Variants in ADAM20 observed in about 807,000 individuals in gnomAD.
ADAM20 encodes disintegrin and metalloproteinase domain-containing protein 20.
For missense variants in ADAM20, 871 were observed against 883.2 expected, an observed-to-expected ratio of 0.99 and a Z score of 0.18; for synonymous variants, 305 against 310.2, an observed-to-expected ratio of 0.98 and a Z score of 0.18.
chr14:70,577,067 A>G, the ADAM20 span, among the ~76,000 whole-genome samples: 3 of 152,216 alleles, frequency 2.0e-5, no homozygotes, highest in Non-Finnish European at 4.4e-5. Context: ...AAGCCCTTCC[A>G]GGAACCGCAC....
chr14:70,578,240 G>T, the ADAM20 span, among the ~76,000 whole-genome samples: 1 of 151,928 alleles, frequency 6.6e-6, no homozygotes, highest in Non-Finnish European at 1.5e-5. Flanking sequence ...TAAATGCTGG[G>T]GAAAGGATAC....
chr14:70,557,474 C>T, the ADAM20 span: 2 of 152,238 alleles, frequency 1.3e-5, no homozygotes, highest in African/African-American at 4.8e-5. Flanking sequence ...TCTACTCACA[C>T]TCTTTTGCCT....
At chr14:70,566,447 G>C in the ADAM20 span, among the ~76,000 whole-genome samples, 2 of 150,908 alleles carry the variant, frequency 1.3e-5, no homozygotes, top group Non-Finnish European at 3.0e-5. Context: ...AAGAGAAAGA[G>C]AAAAAAATCA....
chr14:70,546,254 T>C, the ADAM20 span, among the ~76,000 whole-genome samples: 1 of 152,154 alleles, frequency 6.6e-6, no homozygotes, highest in South Asian at 2.1e-4. Flanking sequence ...CCCCCAAAAT[T>C]TGAGACAGGT....
the ADAM20 span, among the ~76,000 whole-genome samples, chr14:70,564,986 T>C: frequency 6.6e-6 from 1 of 151,072 alleles, no homozygotes; most frequent in African/African-American, 2.4e-5. Flanking sequence ...AGTTTGAATC[T>C]GCAGTGAGCT....
In ADAM20 at chr14:70,524,908, C is replaced by G; in HGVS notation, c.-151G>C. 6.3e-6 allele frequency: 10 copies of G among 1,593,100 alleles called. No homozygotes were observed. Among genetic ancestry groups the G allele is most frequent in the Non-Finnish European group, 8.6e-6 (10 of 1,169,370 alleles). ...CTGTGTCCTGGTGGAGCTGGACCAT[C>G]AGAGCTGCAGTGCTGAAAATAAAAA... On this transcript the variant is annotated 5_prime_UTR_variant, in exon 2 of 2. Coordinates refer to ENST00000256389, the MANE Select transcript of ADAM20 (RefSeq NM_003814.5).
At position 70,523,869 on chromosome 14, in the gene ADAM20, G is replaced by A. The variant is rs141928461; in HGVS notation, c.889C>T (p.His297Tyr). The change falls in exon 2 of 2, where the codon CAT becomes TAT. Residue 297 changes from histidine (H) to tyrosine (Y), a missense_variant. His to Tyr is a moderately conservative substitution (Grantham distance 83, BLOSUM62 2). Transcript: ENST00000256389. The stretch of plus-strand genomic sequence containing the variant: ...CCTTGTGTGTCTTTTATGAAAAGAT[G>A]TGCAACATCATGTTGTAGTCGATTA... ...LNNRLQHDVA[H>Y]LFIKDTQGMK... 1 of 1,613,838 alleles carries A rather than the reference G, an allele frequency of 6.2e-7. No homozygotes were observed. The highest frequency in any genetic ancestry group is 1.3e-5 in the African/African-American group (1 of 74,902).
At chr14:70,535,060 C>G (rs985836359), upstream of ADAM20, 1 of 152,230 alleles carries the variant, frequency 6.6e-6, no homozygotes, top group African/African-American at 2.4e-5. Context: ...TTAGTTACTA[C>G]TCAATGTTGA....
the ADAM20 span, among the ~76,000 whole-genome samples, chr14:70,560,118 A>G: frequency 2.6e-5 from 4 of 152,244 alleles, no homozygotes; most frequent in Admixed American, 1.3e-4. Flanking sequence ...TGAATAAAAA[A>G]TATTCATAGA....
the ADAM20 span, among the ~76,000 whole-genome samples, chr14:70,545,755 T>C: frequency 2.0e-5 from 3 of 152,114 alleles, no homozygotes; most frequent in African/African-American, 4.8e-5. Flanking sequence ...TAGACTCCAA[T>C]ACAGTAATAG....
At chr14:70,566,972 T>A in the ADAM20 span, among the ~76,000 whole-genome samples, 1 of 151,914 alleles carries the variant, frequency 6.6e-6, no homozygotes, top group Non-Finnish European at 1.5e-5. Context: ...ACAAGAGCGA[T>A]ACTCCGTTCA....
upstream of ADAM20, among the ~76,000 whole-genome samples, chr14:70,535,619 T>TCCTTGAGTATG (rs1883816757): frequency 6.6e-6 from 1 of 152,080 alleles, no homozygotes; most frequent in African/African-American, 2.4e-5. Context: ...ATGCCTAGAC[T>TCCTTGAGTATG]CCTCAAGACA....
the ADAM20 span, among the ~76,000 whole-genome samples, chr14:70,573,280 G>A: frequency 6.6e-6 from 1 of 152,134 alleles, no homozygotes. Flanking sequence ...GTCCTTTGGA[G>A]CAACATGAAT....
At chr14:70,554,242 G>T in the ADAM20 span, among the ~76,000 whole-genome samples, 1 of 152,220 alleles carries the variant, frequency 6.6e-6, no homozygotes, top group East Asian at 1.9e-4. Flanking sequence ...TGTTGGTGTG[G>T]ATGTGGAGAA....
the ADAM20 span, among the ~76,000 whole-genome samples, chr14:70,574,717 A>C: frequency 2.6e-5 from 4 of 152,186 alleles, no homozygotes; most frequent in Admixed American, 6.5e-5. Flanking sequence ...ATTAGAGAAA[A>C]ACGAAGCCTG....
Position 70,523,777 on chromosome 14 carries a change from A to G in ADAM20, c.981T>C (p.Val327=), listed in dbSNP as rs1322936663. The G allele has an allele frequency of 1.9e-6, 3 of 1,613,960 alleles. No homozygotes were observed. Among genetic ancestry groups the G allele is most frequent in the Non-Finnish European group, 1.7e-6 (2 of 1,179,976 alleles). ...CQNPFNTGVD[V]FEDNRLVVFA... ...AAACGACCAACCTGTTGTCTTCAAA[A>G]ACATCAACTCCAGTATTAAAAGGAT... Residue 327 remains valine (V), a synonymous_variant, in exon 2 of 2, where the codon GTT becomes GTC. Coordinates refer to ENST00000256389, the MANE Select transcript of ADAM20 (RefSeq NM_003814.5).
At chr14:70,564,227 A>T in the ADAM20 span, among the ~76,000 whole-genome samples, 2 of 152,254 alleles carry the variant, frequency 1.3e-5, no homozygotes, top group African/African-American at 4.8e-5. Context: ...TAAAAGTCAG[A>T]GAACTAAGGC....
rs144157291 is a variant in ADAM20 at position 70,524,147 on chromosome 14, G to A, written c.611C>T (p.Thr204Ile). ...LKQSSFVGWW[T>I]HQRFVELVVV... ...TACCAGCTCAACAAACCGCTGATGG[G>A]TCCACCAGCCCACAAAAGAACTTTG... The change falls in exon 2 of 2, where the codon ACC becomes ATC. Residue 204 changes from threonine to isoleucine, a missense_variant. By Grantham distance (89) the Thr-to-Ile change is moderately conservative (BLOSUM62 -1). Coordinates refer to ENST00000256389, the MANE Select transcript of ADAM20 (RefSeq NM_003814.5). 958 of 1,613,784 alleles carry A rather than the reference G, an allele frequency of 5.9e-4. 7 individuals carry two copies. Among genetic ancestry groups the A allele is most frequent in the Non-Finnish European group, 1.1e-4 (127 of 1,179,916 alleles).
the ADAM20 span, among the ~76,000 whole-genome samples, chr14:70,572,053 C>A: frequency 6.6e-6 from 1 of 152,130 alleles, no homozygotes; most frequent in African/African-American, 2.4e-5. Flanking sequence ...GACCAAACTG[C>A]CAAAAGATAT....
Sources: gnomAD v4.1 joint callset for allele counts (sites outside exome capture counted in the v4.1 genomes callset) on GRCh38, gnomAD v4.1.1 for gene constraint, MANE v1.5 for transcripts, NCBI Gene and HGNC (gene_info 2026-07-23, HGNC 2026-07-21) for gene names.